Variants in COG2 observed in about 807,000 individuals in gnomAD.
COG2 encodes conserved oligomeric Golgi complex subunit 2.
In COG2, 52 loss-of-function variants were observed where a neutral mutation model predicts 90.6. The observed-to-expected ratio is 0.57, with a 90% CI of 0.46 to 0.72. The LOEUF (loss-of-function observed/expected upper bound fraction) is 0.72, where lower values mean the gene tolerates loss of function less well. COG2 is among the 30% of genes least tolerant of loss of function. The probability of loss-of-function intolerance (pLI) is 0.00; values close to 1 mark genes in which losing one functional copy is unlikely to be tolerated. For missense variants in COG2, 829 were observed against 891.2 expected (o/e 0.93, Z 0.89); for synonymous variants, 337 against 320.4 (o/e 1.05, Z -0.55).
At chr1:230,649,059 C>T (rs560392853) in intron 1 of COG2, among the ~76,000 whole-genome samples, 6 of 152,270 alleles carry the variant, frequency 3.9e-5, no homozygotes, top group African/African-American at 1.2e-4. Flanking sequence ...ACATCAAACA[C>T]AGATACGGTA....
intron 7 of COG2, 100 bp downstream of exon 7, chr1:230,669,635 T>A: frequency 3.6e-6 from 4 of 1,103,632 alleles, no homozygotes; most frequent in Non-Finnish European, 5.1e-6. Context: ...GAGATCTTTC[T>A]GGAAAGATTC....
intron 9 of COG2, chr1:230,678,521 C>T (rs1430540310): frequency 1.0e-6 from 1 of 985,228 alleles, no homozygotes; most frequent in Non-Finnish European, 1.2e-6. Context: ...TCTTCTCTCT[C>T]TTTCTTCTTC....
chr1:230,669,585 G>C (rs1280693430), intron 7 of COG2, 50 bp downstream of exon 7: 1 of 1,517,464 alleles, frequency 6.6e-7, no homozygotes, highest in Non-Finnish European at 9.0e-7. Flanking sequence ...TTCTGTCTTT[G>C]ACTCTTTACT....
intron 1 of COG2, among the ~76,000 whole-genome samples, chr1:230,652,705 TGTCA>T: frequency 6.6e-6 from 1 of 152,330 alleles, no homozygotes; most frequent in Admixed American, 6.5e-5. Context: ...CATTTGGTAT[TGTCA>T]GTGTTTTGGA....
chr1:230,685,034 TA>T lies in COG2; in HGVS notation c.1229-47del, dbSNP rs3215851. ...GGAAGTCTCACATTAGACTATAGCC[TA>T]AAATTGCCTGAAATTCCTTAAATGT... On this transcript the variant is annotated intron_variant, in intron 11 of 17. Transcript: ENST00000366669. 0.3 allele frequency: 485,436 copies of T among 1,602,732 alleles called. 74,775 individuals carry two copies. The highest frequency in any genetic ancestry group is 0.34 in the African/African-American group (25,342 of 74,644).
At chr1:230,669,647 C>T in intron 7 of COG2, 112 bp downstream of exon 7, 1 of 903,596 alleles carries the variant, frequency 1.1e-6, no homozygotes, top group Middle Eastern at 3.5e-4. Flanking sequence ...GAAAGATTCT[C>T]AGTTCCTACA....
At chr1:230,688,004 A>G (rs1389054020) in intron 13 of COG2, 67 bp from the exon 14 acceptor site, 1 of 1,094,974 alleles carries the variant, frequency 9.1e-7, no homozygotes, top group Middle Eastern at 2.0e-4. Flanking sequence ...TGTAGATGCA[A>G]ATAGAATTGC....
intron 5 of COG2, among the ~76,000 whole-genome samples, chr1:230,665,700 G>C (rs150761710): frequency 4.9e-4 from 75 of 152,278 alleles, no homozygotes; most frequent in African/African-American, 1.7e-3. Context: ...TCTTCAGCCT[G>C]TAGTACTTCT....
intron 17 of COG2, 78 bp from the exon 18 acceptor site, chr1:230,693,214 A>C (rs1312505819): frequency 2.4e-6 from 2 of 847,922 alleles, no homozygotes; most frequent in African/African-American, 3.4e-5. Context: ...TAGAGGATGA[A>C]GATTTTCTTT....
chr1:230,665,224 T>C (rs1662292348), intron 5 of COG2, among the ~76,000 whole-genome samples: 1 of 152,188 alleles, frequency 6.6e-6, no homozygotes, highest in Admixed American at 6.6e-5. Context: ...ATGTTGCATG[T>C]ACCAGCTGGG....
At chr1:230,662,763 T>G (rs1662211480) in intron 3 of COG2, among the ~76,000 whole-genome samples, 1 of 152,212 alleles carries the variant, frequency 6.6e-6, no homozygotes, top group Non-Finnish European at 1.5e-5. Flanking sequence ...TCTTCCTGCC[T>G]TGTCTTCTGA....
chr1:230,679,236 T>C (rs1375821065), intron 10 of COG2, 184 bp downstream of exon 10: 1 of 540,652 alleles, frequency 1.8e-6, no homozygotes, highest in Non-Finnish European at 3.0e-6. Flanking sequence ...CTGGCTTGCA[T>C]GACAAAAAGA....
Position 230,685,147 on chromosome 1 carries a change from T to G in COG2, c.1291T>G (p.Ser431Ala). 1 of 1,614,188 alleles carries G rather than the reference T, an allele frequency of 6.2e-7. No homozygotes were observed. The highest frequency in any genetic ancestry group is 8.5e-7 in the Non-Finnish European group (1 of 1,180,026). Residue 431 changes from serine (S) to alanine (A), a missense_variant, in exon 12 of 18, where the codon TCA becomes GCA. Coordinates refer to ENST00000366669, the MANE Select transcript of COG2 (RefSeq NM_007357.3). ...RTWSSLRRCW[S>A]DEMFLPLLVH... ...TTGGAGCAGCCTTAGGAGGTGTTGG[T>G]CAGATGAGATGTTCTTGCCATTACT...
At chr1:230,649,989 C>T (rs1260352838) in intron 1 of COG2, among the ~76,000 whole-genome samples, 2 of 152,132 alleles carry the variant, frequency 1.3e-5, no homozygotes, top group South Asian at 2.1e-4. Flanking sequence ...CTTTCTGTTT[C>T]GGAGTTAGTT....
rs1662230024 is a variant in COG2, at chr1:230,663,175, C to G, written c.335C>G (p.Ala112Gly). The change falls in exon 4 of 18, where the codon GCA becomes GGA. Residue 112 changes from alanine (A) to glycine (G), a missense_variant. Ala to Gly is a moderately conservative substitution (Grantham distance 60). Coordinates refer to ENST00000366669, the MANE Select transcript of COG2 (RefSeq NM_007357.3). Reference protein sequence around the residue: ...LRSSVSEGIRAVDERMSKQED... With the variant: ...LRSSVSEGIRGVDERMSKQED... ...TCGTCTGTCAGTGAAGGAATTCGGG[C>G]AGTTGATGAACGAATGTCTAAACAA... 1 of 1,608,172 alleles carries G rather than the reference C, an allele frequency of 6.2e-7. No homozygotes were observed. Among genetic ancestry groups the G allele is most frequent in the Non-Finnish European group, 8.5e-7 (1 of 1,177,358 alleles).
In COG2 at chr1:230,663,113, C is replaced by T. The variant is rs553573986; in HGVS notation, c.301-28C>T. ...TCATAATGTTACAAAACAATCTCTG[C>T]AGTACTTTTTTTTTTTGTCTTTTAA... On this transcript the variant is annotated intron_variant, in intron 3 of 17. Coordinates refer to ENST00000366669, the MANE Select transcript of COG2 (RefSeq NM_007357.3). 1.7e-5 allele frequency: 26 copies of T among 1,532,164 alleles called. No homozygotes were observed. The East Asian group carries it at 5.8e-4, about 34-fold the overall frequency. The allele number at this position is 1,532,164 out of a possible 1,614,324, so 94.9% of individuals were successfully genotyped here.
At chr1:230,650,088 A>G (rs190164886) in intron 1 of COG2, among the ~76,000 whole-genome samples, 2 of 152,324 alleles carry the variant, frequency 1.3e-5, no homozygotes, top group African/African-American at 4.8e-5. Flanking sequence ...TCTGTGGTAT[A>G]AATGCACCAC....
chr1:230,676,589 C>T (rs1452286717), intron 9 of COG2, among the ~76,000 whole-genome samples: 1 of 152,090 alleles, frequency 6.6e-6, no homozygotes, highest in African/African-American at 2.4e-5. Context: ...AAATCATCAT[C>T]GTCCTCTGGG....
intron 2 of COG2, among the ~76,000 whole-genome samples, chr1:230,660,386 C>G (rs904772727): frequency 1.3e-5 from 2 of 152,140 alleles, no homozygotes; most frequent in African/African-American, 4.8e-5. Context: ...GATAGATATA[C>G]TCCTTGAGAC....
Sources: allele counts gnomAD v4.1 joint callset (sites outside exome capture counted in the v4.1 genomes callset), GRCh38; gene constraint gnomAD v4.1.1; transcripts MANE v1.5; gene names NCBI Gene and HGNC (gene_info 2026-07-23, HGNC 2026-07-21).